NLGN1: variants seen among roughly 807,000 people sequenced by gnomAD.
NLGN1 encodes the protein neuroligin 1.
Under a neutral mutation model 65.5 loss-of-function variants are expected in NLGN1, and 12 were observed. That is an observed-to-expected ratio of 0.18 (90% CI 0.12 to 0.30). NLGN1 has a LOEUF of 0.30. Among genes scored for constraint, NLGN1 ranks in the 10% least tolerant of loss-of-function variants. The probability of loss-of-function intolerance (pLI) is 1.00; values close to 1 mark genes in which losing one functional copy is unlikely to be tolerated. For missense variants in NLGN1, 750 were observed against 1,007.1 expected, an observed-to-expected ratio of 0.74 and a Z score of 3.46; for synonymous variants, 350 against 359.5, an observed-to-expected ratio of 0.97 and a Z score of 0.30.
chr3:173,528,312 G>C (rs1376230199), intron 2 of NLGN1, among the ~76,000 whole-genome samples: 1 of 152,184 alleles, frequency 6.6e-6, no homozygotes, highest in East Asian at 1.9e-4. Context: ...GATGTTTGCA[G>C]TCTGATGAGA....
intron 3 of NLGN1, among the ~76,000 whole-genome samples, chr3:173,768,058 T>C (rs899734283): frequency 1.3e-5 from 2 of 152,182 alleles, no homozygotes. Flanking sequence ...TTTCTATTTT[T>C]TTCTACCTGA....
In NLGN1 at chr3:173,636,551, T is replaced by C. The variant is rs995860; in HGVS notation, c.493+31460T>C. Among the ~76,000 whole-genome samples, 997 of 150,380 alleles carry C rather than the reference T, an allele frequency of 6.6e-3. 14 individuals carry two copies. Among genetic ancestry groups the C allele is most frequent in the African/African-American group, 0.023 (952 of 40,928 alleles). On this transcript the variant is annotated intron_variant, in intron 3 of 6. Coordinates refer to ENST00000457714, the Ensembl canonical transcript of NLGN1. The stretch of plus-strand genomic sequence containing the variant: ...TCCTTATTCTACTCTTAGCATATCG[T>C]TTTTTTTTGCTCTTCAGACTGGAAT...
At chr3:173,494,137 G>A (rs1301347604) in intron 2 of NLGN1, among the ~76,000 whole-genome samples, 2 of 150,460 alleles carry the variant, frequency 1.3e-5, no homozygotes, top group African/African-American at 4.9e-5. Flanking sequence ...GTGTGTGTGT[G>A]TGTGTGTGTG....
chr3:173,851,330 A>C (rs975084240), intron 4 of NLGN1, among the ~76,000 whole-genome samples: 1 of 152,206 alleles, frequency 6.6e-6, no homozygotes, highest in Non-Finnish European at 1.5e-5. Flanking sequence ...ACATGAATAA[A>C]GTTTCTTTTA....
At chr3:173,459,067 C>G (rs995344182) in intron 2 of NLGN1, among the ~76,000 whole-genome samples, 1 of 151,926 alleles carries the variant, frequency 6.6e-6, no homozygotes, top group African/African-American at 2.4e-5. Context: ...GTGGGAGACA[C>G]TCTGTTAAGA....
At chr3:173,655,555 A>G (rs1759869800) in intron 3 of NLGN1, among the ~76,000 whole-genome samples, 1 of 151,906 alleles carries the variant, frequency 6.6e-6, no homozygotes, top group Non-Finnish European at 1.5e-5. Context: ...ACTGTGCCTG[A>G]AAGAATGATG....
intron 4 of NLGN1, among the ~76,000 whole-genome samples, chr3:173,823,104 G>A (rs9867482): frequency 6.6e-6 from 1 of 151,828 alleles, no homozygotes; most frequent in Non-Finnish European, 1.5e-5. Flanking sequence ...AAAGATATTC[G>A]CATATAATTT....
At chr3:174,034,782 G>A (rs190563788) in intron 4 of NLGN1, among the ~76,000 whole-genome samples, 11 of 152,148 alleles carry the variant, frequency 7.2e-5, no homozygotes, top group African/African-American at 2.6e-4. Flanking sequence ...GAAACAAACA[G>A]CAAATGTAAC....
chr3:173,421,245 G>C (rs1227628693), intron 1 of NLGN1, among the ~76,000 whole-genome samples: 1 of 151,694 alleles, frequency 6.6e-6, no homozygotes, highest in African/African-American at 2.4e-5. Context: ...TTATTTATTT[G>C]GATGTAGTCT....
At chr3:174,248,040 T>A (rs568983298) in intron 4 of NLGN1, among the ~76,000 whole-genome samples, 2 of 152,366 alleles carry the variant, frequency 1.3e-5, no homozygotes, top group Admixed American at 6.5e-5. Flanking sequence ...CATGGATCAC[T>A]GCACAATCAG....
At chr3:173,738,170 T>C (rs1774079659) in intron 3 of NLGN1, among the ~76,000 whole-genome samples, 1 of 152,002 alleles carries the variant, frequency 6.6e-6, no homozygotes, top group Non-Finnish European at 1.5e-5. Flanking sequence ...GATACATGAT[T>C]TGCAAATATT....
In NLGN1 at chr3:173,447,382, T is replaced by C. The variant is rs867671906; in HGVS notation, c.-321+12304T>C. On this transcript the variant is annotated intron_variant, in intron 2 of 6. Transcript: ENST00000457714. ...CAAAGATCAGGTAGTTGTAGATACA[T>C]GGCATTATTTCTGAGGGCTCTGTTC... 6.6e-3 allele frequency among the ~76,000 whole-genome samples: 1,010 copies of C among 152,282 alleles called. 5 individuals carry two copies. The highest frequency in any genetic ancestry group is 0.02 in the Middle Eastern group (6 of 294).
intron 1 of NLGN1, among the ~76,000 whole-genome samples, chr3:173,411,809 C>T (rs1484808812): frequency 6.6e-6 from 1 of 152,062 alleles, no homozygotes; most frequent in African/African-American, 2.4e-5. Context: ...CTCTGGGTTA[C>T]ATCTGTGGTT....
At chr3:174,025,245 G>A (rs2152463258) in intron 4 of NLGN1, among the ~76,000 whole-genome samples, 1 of 152,266 alleles carries the variant, frequency 6.6e-6, no homozygotes, top group Non-Finnish European at 1.5e-5. Context: ...GCTGAAAATG[G>A]TTAAGTATCT....
At chr3:173,936,432 T>A (rs1745091541) in intron 4 of NLGN1, among the ~76,000 whole-genome samples, 1 of 152,064 alleles carries the variant, frequency 6.6e-6, no homozygotes, top group Admixed American at 6.6e-5. Context: ...ATTTCTCTCA[T>A]GTATTCTAGC....
intron 4 of NLGN1, among the ~76,000 whole-genome samples, chr3:174,006,851 T>C (rs1724528709): frequency 1.3e-5 from 2 of 151,986 alleles, no homozygotes; most frequent in Admixed American, 6.6e-5. Flanking sequence ...GGTGGATCAG[T>C]TGGGGTCAGG....
At chr3:174,191,572 T>G (rs891751133) in intron 4 of NLGN1, among the ~76,000 whole-genome samples, 1 of 152,144 alleles carries the variant, frequency 6.6e-6, no homozygotes, top group Non-Finnish European at 1.5e-5. Context: ...TCGCCAAAAA[T>G]GAAACTACAA....
At chr3:173,627,843 A>G (rs1338345550) in intron 3 of NLGN1, among the ~76,000 whole-genome samples, 3 of 150,846 alleles carry the variant, frequency 2.0e-5, no homozygotes, top group African/African-American at 7.3e-5. Flanking sequence ...GAGACTCTTC[A>G]TTTTAAAATG....
intron 2 of NLGN1, among the ~76,000 whole-genome samples, chr3:173,497,341 G>A (rs959734136): frequency 6.6e-6 from 1 of 150,896 alleles, no homozygotes; most frequent in Non-Finnish European, 1.5e-5. Flanking sequence ...TGAGCCAAGA[G>A]CATGCCACTG....
Sources: allele counts gnomAD v4.1 joint callset (sites outside exome capture counted in the v4.1 genomes callset), GRCh38; gene constraint gnomAD v4.1.1; transcripts MANE v1.5; gene names NCBI Gene and HGNC (gene_info 2026-07-23, HGNC 2026-07-21).